Variants in ARHGAP8 observed in about 807,000 individuals in gnomAD.
The protein encoded by ARHGAP8 is rho GTPase-activating protein 8.
Under a neutral mutation model 46.1 loss-of-function variants are expected in ARHGAP8, and 62 were observed. The observed-to-expected ratio is 1.34, with a 90% CI of 1.10 to 1.66. The LOEUF is 1.66. Among genes scored for constraint, ARHGAP8 ranks in the 40% most tolerant of loss-of-function variants. ARHGAP8 has a pLI of 0.00. For missense variants in ARHGAP8, 923 were observed against 568.4 expected, an observed-to-expected ratio of 1.62 and a Z score of -6.34; for synonymous variants, 375 against 243.1, an observed-to-expected ratio of 1.54 and a Z score of -5.05.
chr22:44,824,519 C>A (rs938121476), intron 6 of ARHGAP8, among the ~76,000 whole-genome samples: 1 of 152,180 alleles, frequency 6.6e-6, no homozygotes, highest in Non-Finnish European at 1.5e-5. Flanking sequence ...TGGCCGGGTC[C>A]CTGCTGTATG....
At chr22:44,860,450 TCTCC>T (rs2070418741) in intron 11 of ARHGAP8, among the ~76,000 whole-genome samples, 1 of 151,806 alleles carries the variant, frequency 6.6e-6, no homozygotes, top group African/African-American at 2.4e-5. Context: ...GTGTGTCTAA[TCTCC>T]CTCCACCTTT....
Position 44,777,031 on chromosome 22 carries a change from T to G in ARHGAP8, c.-71-9426T>G, listed in dbSNP as rs192461598. ...TTTTTGCCCTCAGGCTCCTGAGCTA[T>G]TGTAGGTTCTAGAAGCCTCTGCTGA... On this transcript the variant is annotated intron_variant, in intron 1 of 11. Transcript: ENST00000356099. The G allele has an allele frequency of 4.6e-5, 7 of 152,556 alleles. No individual in the cohort carries two copies. The East Asian group carries it at 1.2e-3, about 25-fold the overall frequency. 9.5% of individuals were successfully genotyped at this position (152,556 alleles called of 1,614,324 possible).
At chr22:44,758,271 A>C (rs1312064374) in intron 1 of ARHGAP8, among the ~76,000 whole-genome samples, 1 of 152,106 alleles carries the variant, frequency 6.6e-6, no homozygotes, top group East Asian at 1.9e-4. Flanking sequence ...CAACATGGTG[A>C]ATTAGCTACT....
At chr22:44,774,268 G>T (rs1926252935) in intron 1 of ARHGAP8, among the ~76,000 whole-genome samples, 1 of 152,202 alleles carries the variant, frequency 6.6e-6, no homozygotes, top group Admixed American at 6.5e-5. Flanking sequence ...CTTGGTGAAA[G>T]GAAGAACGTT....
At chr22:44,791,647 T>TGAGCCGAGATTGCATC (rs1927697073) in intron 2 of ARHGAP8, among the ~76,000 whole-genome samples, 1 of 152,124 alleles carries the variant, frequency 6.6e-6, no homozygotes, top group Admixed American at 6.5e-5. Flanking sequence ...GAGGTTGCAG[T>TGAGCCGAGATTGCATC]GAGCCGAGAT....
intron 7 of ARHGAP8, among the ~76,000 whole-genome samples, chr22:44,827,112 C>G (rs865805032): frequency 1.3e-4 from 19 of 151,944 alleles, no homozygotes; most frequent in African/African-American, 4.4e-4. Context: ...AGCGTCTTTA[C>G]AAGAGGGAGG....
intron 1 of ARHGAP8, among the ~76,000 whole-genome samples, chr22:44,763,692 C>T (rs551410712): frequency 8.6e-5 from 13 of 151,466 alleles, no homozygotes; most frequent in Admixed American, 2.6e-4. Context: ...GAGGCAAATT[C>T]GGGGAGTTTT....
intron 11 of ARHGAP8, among the ~76,000 whole-genome samples, chr22:44,861,366 G>C (rs781243459): frequency 6.6e-6 from 1 of 152,206 alleles, no homozygotes; most frequent in Non-Finnish European, 1.5e-5. Context: ...GTGGTGTTGC[G>C]TGTTATCACC....
At chr22:44,754,469 C>A (rs1417403522) in intron 1 of ARHGAP8, among the ~76,000 whole-genome samples, 3 of 151,956 alleles carry the variant, frequency 2.0e-5, no homozygotes, top group Admixed American at 2.0e-4. Context: ...GCTTCTCGTG[C>A]CTCAGCATCC....
At chr22:44,781,949 C>T (rs1238883060) in intron 1 of ARHGAP8, among the ~76,000 whole-genome samples, 2 of 152,360 alleles carry the variant, frequency 1.3e-5, no homozygotes, top group East Asian at 3.9e-4. Flanking sequence ...ATCCTCCCAC[C>T]TCAGCCTCCT....
At chr22:44,784,562 T>C (rs1158487214) in intron 1 of ARHGAP8, among the ~76,000 whole-genome samples, 1 of 152,220 alleles carries the variant, frequency 6.6e-6, no homozygotes, top group Non-Finnish European at 1.5e-5. Flanking sequence ...GGATTTGAGC[T>C]TCCAAAGATT....
At chr22:44,775,657 C>T (rs1926368984) in intron 1 of ARHGAP8, among the ~76,000 whole-genome samples, 1 of 152,118 alleles carries the variant, frequency 6.6e-6, no homozygotes, top group Non-Finnish European at 1.5e-5. Flanking sequence ...ATCATGTCGG[C>T]TGGGCTGGTC....
At chr22:44,855,355 G>A (rs1407295914) in intron 10 of ARHGAP8, among the ~76,000 whole-genome samples, 1 of 151,624 alleles carries the variant, frequency 6.6e-6, no homozygotes, top group African/African-American at 2.4e-5. Flanking sequence ...TGTAAAGACA[G>A]GGTCTCACCA....
chr22:44,821,207 G>A (rs527277171), intron 5 of ARHGAP8, among the ~76,000 whole-genome samples: 24 of 144,718 alleles, frequency 1.7e-4, no homozygotes, highest in African/African-American at 4.4e-4. Flanking sequence ...CAAGGCGGGC[G>A]GATCACGAGG....
rs748232824 is a variant in ARHGAP8 at position 44,848,969 on chromosome 22, C to A, written c.786C>A (p.His262Gln). 23 of 1,614,150 alleles carry A rather than the reference C, an allele frequency of 1.4e-5. No individual in the cohort carries two copies. In the East Asian group the frequency reaches 5.1e-4, roughly 36 times the overall value. ...PVNFDDYGDI[H>Q]IPAVILKTFL... ...ACTTTGACGACTACGGGGACATTCA[C>A]ATCCCTGCCGTGATCCTGAAGACCT... Residue 262 changes from histidine (H) to glutamine (Q), a missense_variant, in exon 10 of 12, where the codon CAC becomes CAA. Transcript: ENST00000356099.
At position 44,787,182 on chromosome 22, in the gene ARHGAP8, C is replaced by T. The variant is rs901789136; in HGVS notation, c.79+576C>T. Among the ~76,000 whole-genome samples, 3 of 152,112 alleles carry T rather than the reference C, an allele frequency of 2.0e-5. No individual in the cohort carries two copies. In the East Asian group the frequency reaches 5.8e-4, roughly 29 times the overall value. ...CAGTGTCCTGCTAGGCTTTAAAGAG[C>T]AGAGGCTGAAATTTAATGAATTGTT... On this transcript the variant is annotated intron_variant, in intron 2 of 11. Transcript: ENST00000356099.
chr22:44,791,476 G>A (rs1224060225), intron 2 of ARHGAP8, among the ~76,000 whole-genome samples: 2 of 152,134 alleles, frequency 1.3e-5, no homozygotes, highest in African/African-American at 4.8e-5. Context: ...GGATGAGTCA[G>A]GTGGATCACC....
intron 7 of ARHGAP8, among the ~76,000 whole-genome samples, chr22:44,837,366 G>A (rs1465139282): frequency 4.6e-5 from 7 of 152,228 alleles, no homozygotes; most frequent in East Asian, 1.9e-4. Flanking sequence ...GGAAAGCCAG[G>A]TGGGAGTCAC....
At chr22:44,804,107 C>A (rs921757086) in intron 3 of ARHGAP8, among the ~76,000 whole-genome samples, 7 of 152,018 alleles carry the variant, frequency 4.6e-5, no homozygotes, top group Non-Finnish European at 2.9e-5. Context: ...CTCCTCAAAG[C>A]CACATGGGCC....
Sources: gnomAD v4.1 joint callset for allele counts (sites outside exome capture counted in the v4.1 genomes callset) on GRCh38, gnomAD v4.1.1 for gene constraint, MANE v1.5 for transcripts, NCBI Gene and HGNC (gene_info 2026-07-23, HGNC 2026-07-21) for gene names.